Variants in IL1RAPL2 observed in about 807,000 individuals in gnomAD.
IL1RAPL2 encodes the protein X-linked interleukin-1 receptor accessory protein-like 2.
IL1RAPL2 carries 3 observed loss-of-function variants against 44.1 expected under a neutral mutation model. That is an observed-to-expected ratio of 0.07 (90% CI 0.03 to 0.18). The LOEUF is 0.18. IL1RAPL2 is among the 10% of genes least tolerant of loss of function. The pLI is 1.00. For synonymous variants in IL1RAPL2, 181 were observed against 178.8 expected, an observed-to-expected ratio of 1.01 and a Z score of -0.10; for missense variants, 391 against 496.4, an observed-to-expected ratio of 0.79 and a Z score of 2.02.
chrX:104,632,022 G>C (rs1295142014), intron 1 of IL1RAPL2, among the ~76,000 whole-genome samples: 1 of 110,791 alleles, frequency 9.0e-6, no homozygotes, highest in African/African-American at 3.3e-5. Context: ...TTTTGTATAA[G>C]GTGTAAGGAA....
chrX:104,701,707 C>T (rs1931276532), intron 2 of IL1RAPL2, among the ~76,000 whole-genome samples: 2 of 112,060 alleles, frequency 1.8e-5, no homozygotes. Flanking sequence ...TAAGTACTTA[C>T]TGTCTAGCAT....
intron 5 of IL1RAPL2, among the ~76,000 whole-genome samples, chrX:105,426,775 C>T (rs1373324954): frequency 9.0e-6 from 1 of 110,847 alleles, no homozygotes; most frequent in Non-Finnish European, 1.9e-5. Context: ...TGTTCCTTCT[C>T]CCACACCTCA....
intron 1 of IL1RAPL2, among the ~76,000 whole-genome samples, chrX:104,576,248 C>G (rs1253098337): frequency 9.0e-6 from 1 of 111,118 alleles, no homozygotes; most frequent in Non-Finnish European, 1.9e-5. Flanking sequence ...GGGTGAGAAC[C>G]CAGCCAGTCT....
At chrX:104,777,541 AATTATT>A (rs376271609) in intron 2 of IL1RAPL2, among the ~76,000 whole-genome samples, 22,904 of 85,087 alleles carry the variant, frequency 0.27, 3,030 homozygotes, top group Non-Finnish European at 0.34. Flanking sequence ...CTCTGCTTTC[AATTATT>A]ATTATTATTA....
At chrX:105,736,906 C>A (rs748247096) in intron 7 of IL1RAPL2, among the ~76,000 whole-genome samples, 15 of 111,813 alleles carry the variant, frequency 1.3e-4, no homozygotes, top group African/African-American at 4.9e-4. Context: ...ATAAATTGTT[C>A]TACCATAAAG....
At chrX:104,915,417 GT>G (rs1365591610) in intron 2 of IL1RAPL2, among the ~76,000 whole-genome samples, 1 of 110,706 alleles carries the variant, frequency 9.0e-6, no homozygotes, top group African/African-American at 3.3e-5. Context: ...GGGGTTGTTT[GT>G]TTTTTTCTTG....
At chrX:105,557,941 T>A (rs1161376655) in intron 6 of IL1RAPL2, among the ~76,000 whole-genome samples, 1 of 111,611 alleles carries the variant, frequency 9.0e-6, no homozygotes, top group Non-Finnish European at 1.9e-5. Flanking sequence ...GCATAACACC[T>A]TCTTTGGGAT....
intron 2 of IL1RAPL2, among the ~76,000 whole-genome samples, chrX:104,817,985 G>A (rs948216421): frequency 6.3e-5 from 7 of 110,557 alleles, no homozygotes; most frequent in African/African-American, 1.6e-4. Flanking sequence ...GAATAGATTC[G>A]GGCGTGTGTT....
chrX:105,303,775 C>G (rs1188947330), intron 5 of IL1RAPL2, among the ~76,000 whole-genome samples: 3 of 112,297 alleles, frequency 2.7e-5, no homozygotes, highest in South Asian at 3.7e-4. Context: ...GCCTTTCGTT[C>G]TCCTTCCAAT....
intron 10 of IL1RAPL2, among the ~76,000 whole-genome samples, chrX:105,758,009 G>A (rs911690087): frequency 9.0e-6 from 1 of 111,226 alleles, no homozygotes; most frequent in African/African-American, 3.3e-5. Flanking sequence ...AGAAGCTTCT[G>A]TGGTCTGTAT....
chrX:104,693,946 C>G lies in IL1RAPL2; in HGVS notation c.82+34951C>G, dbSNP rs1472872073. Among the ~76,000 whole-genome samples, 2 of 111,792 alleles carry G rather than the reference C, an allele frequency of 1.8e-5. 1 individual carries two copies. Among genetic ancestry groups the G allele is most frequent in the Admixed American group, 1.9e-4 (2 of 10,533 alleles). On this transcript the variant is annotated intron_variant, in intron 2 of 10. Coordinates refer to ENST00000372582, the MANE Select transcript of IL1RAPL2 (RefSeq NM_017416.2). ...ATAGCTCATAATGACTCTGAAAGAACTGTCTAGCCAATCTTGCCAAAACTA... is the reference window on the plus strand; with the variant it reads ...ATAGCTCATAATGACTCTGAAAGAAGTGTCTAGCCAATCTTGCCAAAACTA...
At chrX:105,499,981 G>A (rs1227450402) in intron 6 of IL1RAPL2, among the ~76,000 whole-genome samples, 1 of 112,238 alleles carries the variant, frequency 8.9e-6, no homozygotes, top group African/African-American at 3.2e-5. Context: ...TACATACCAT[G>A]GAATATCATT....
intron 2 of IL1RAPL2, among the ~76,000 whole-genome samples, chrX:105,077,636 T>A (rs1369659270): frequency 8.9e-6 from 1 of 111,942 alleles, no homozygotes; most frequent in Admixed American, 9.5e-5. Context: ...TCCTGCAGAG[T>A]TTTTTCCAAC....
intron 5 of IL1RAPL2, among the ~76,000 whole-genome samples, chrX:105,478,675 C>G (rs1176143026): frequency 9.0e-6 from 1 of 111,687 alleles, no homozygotes; most frequent in African/African-American, 3.3e-5. Context: ...AAACCTAGTT[C>G]CCCAAACTTC....
Position 105,639,656 on chromosome X carries a change from A to C in IL1RAPL2, c.773-77711A>C, listed in dbSNP as rs73529081. On this transcript the variant is annotated intron_variant, in intron 6 of 10. Transcript: ENST00000372582. ...ATTTTATAATTTCATTTACCTTTAC[A>C]GAAATAATCGTCACTCCTCATCTTT... 3.8e-3 allele frequency among the ~76,000 whole-genome samples: 423 copies of C among 111,779 alleles called. 3 individuals are homozygous for C. Among genetic ancestry groups the C allele is most frequent in the African/African-American group, 0.013 (408 of 30,793 alleles).
chrX:104,902,078 G>A (rs1480624205), intron 2 of IL1RAPL2, among the ~76,000 whole-genome samples: 1 of 111,655 alleles, frequency 9.0e-6, no homozygotes, highest in Non-Finnish European at 1.9e-5. Flanking sequence ...GCAGATTCTA[G>A]ACCCAGAATA....
chrX:105,640,803 G>A (rs1201376912), intron 6 of IL1RAPL2, among the ~76,000 whole-genome samples: 1 of 102,311 alleles, frequency 9.8e-6, no homozygotes, highest in Non-Finnish European at 2.0e-5. Context: ...TAGATAGAGA[G>A]AGAGACCGAG....
intron 2 of IL1RAPL2, among the ~76,000 whole-genome samples, chrX:105,179,945 T>C (rs2147604567): frequency 9.0e-6 from 1 of 111,134 alleles, no homozygotes; most frequent in Non-Finnish European, 1.9e-5. Context: ...GGGACAGTTT[T>C]ACTTCCTCAT....
At chrX:104,745,116 T>C (rs1355972087) in intron 2 of IL1RAPL2, among the ~76,000 whole-genome samples, 1 of 111,863 alleles carries the variant, frequency 8.9e-6, no homozygotes, top group Non-Finnish European at 1.9e-5. Flanking sequence ...ATAGTGTGAT[T>C]GTTAAGCCTC....
Sources: allele counts gnomAD v4.1 joint callset (sites outside exome capture counted in the v4.1 genomes callset), GRCh38; gene constraint gnomAD v4.1.1; transcripts MANE v1.5; gene names NCBI Gene and HGNC (gene_info 2026-07-23, HGNC 2026-07-21).